Variants in HDAC9 observed in about 807,000 individuals in gnomAD.
The protein encoded by HDAC9 is MEF-2 interacting transcription repressor (MITR) protein.
In HDAC9, 41 loss-of-function variants were observed where a neutral mutation model predicts 139.4. The ratio of observed to expected loss-of-function variants is 0.29; its 90% CI spans 0.23 to 0.38. The LOEUF (loss-of-function observed/expected upper bound fraction) is 0.38, where lower values mean the gene tolerates loss of function less well. Among genes scored for constraint, HDAC9 ranks in the 10% least tolerant of loss-of-function variants. The pLI is 1.00. For missense variants in HDAC9, 1,147 were observed against 1,297.0 expected (o/e 0.88, Z 1.78); for synonymous variants, 517 against 476.2 (o/e 1.09, Z -1.12).
intron 13 of HDAC9, 111 bp from the exon 14 acceptor site, chr7:18,748,894 A>G: frequency 9.7e-7 from 1 of 1,032,986 alleles, no homozygotes; most frequent in Non-Finnish European, 1.4e-6. Context: ...CTCCTTTGTT[A>G]AATTTATTTT....
chr7:18,598,648 A>G (rs796100350), intron 6 of HDAC9, among the ~76,000 whole-genome samples: 18 of 152,324 alleles, frequency 1.2e-4, no homozygotes, highest in African/African-American at 4.3e-4. Flanking sequence ...TCTTGACTGT[A>G]TGCTTGTATA....
intron 21 of HDAC9, among the ~76,000 whole-genome samples, chr7:18,866,682 G>A (rs578167623): frequency 6.6e-6 from 1 of 152,304 alleles, no homozygotes; most frequent in East Asian, 1.9e-4. Flanking sequence ...AACTTTATAA[G>A]TTAAGATGTT....
intron 11 of HDAC9, among the ~76,000 whole-genome samples, chr7:18,657,060 T>C (rs1791468837): frequency 6.6e-6 from 1 of 152,170 alleles, no homozygotes; most frequent in Non-Finnish European, 1.5e-5. Flanking sequence ...TTTTTTCATA[T>C]GGTGTTGGCC....
At chr7:18,605,676 T>TTTTG (rs927028857) in intron 6 of HDAC9, among the ~76,000 whole-genome samples, 4 of 151,270 alleles carry the variant, frequency 2.6e-5, no homozygotes, top group Non-Finnish European at 5.9e-5. Context: ...GCCCCTGGAG[T>TTTTG]TTTGTTTGTT....
At chr7:18,713,724 C>G (rs898010977) in intron 12 of HDAC9, among the ~76,000 whole-genome samples, 2 of 151,958 alleles carry the variant, frequency 1.3e-5, no homozygotes, top group African/African-American at 4.8e-5. Context: ...GCTAAATGAT[C>G]ATGGAGGCTG....
At chr7:18,817,738 C>A (rs1192803901) in intron 17 of HDAC9, among the ~76,000 whole-genome samples, 1 of 152,164 alleles carries the variant, frequency 6.6e-6, no homozygotes, top group Non-Finnish European at 1.5e-5. Context: ...GCTGGCAAAC[C>A]TATTTTTGAC....
At chr7:18,189,032 A>G (rs990760143) in intron 2 of HDAC9, among the ~76,000 whole-genome samples, 1 of 152,222 alleles carries the variant, frequency 6.6e-6, no homozygotes, top group African/African-American at 2.4e-5. Context: ...TGCTATAAAG[A>G]CAAATGTACA....
intron 12 of HDAC9, among the ~76,000 whole-genome samples, chr7:18,674,606 A>G (rs984904435): frequency 9.9e-5 from 15 of 152,060 alleles, no homozygotes; most frequent in Non-Finnish European, 1.8e-4. Context: ...CAGGGAACCT[A>G]TGAAATGTTC....
chr7:18,728,402 AACACACAC>A (rs56281287), intron 13 of HDAC9, among the ~76,000 whole-genome samples: 10,652 of 145,552 alleles, frequency 0.073, 371 homozygotes, highest in Middle Eastern at 0.08. Flanking sequence ...TTAAGTGTGG[AACACACAC>A]ACACACACAC....
intron 21 of HDAC9, among the ~76,000 whole-genome samples, chr7:18,854,430 T>C (rs1481925146): frequency 1.3e-5 from 2 of 152,178 alleles, no homozygotes; most frequent in African/African-American, 4.8e-5. Flanking sequence ...GTAGTGATCA[T>C]GATTGTAATG....
At chr7:18,396,656 C>A (rs889949803) in intron 1 of HDAC9, among the ~76,000 whole-genome samples, 4 of 152,118 alleles carry the variant, frequency 2.6e-5, no homozygotes, top group Non-Finnish European at 5.9e-5. Flanking sequence ...GACAATGCCC[C>A]TAAGTTTCAC....
intron 2 of HDAC9, among the ~76,000 whole-genome samples, chr7:18,510,527 G>A (rs976877844): frequency 1.3e-5 from 2 of 152,006 alleles, no homozygotes; most frequent in Non-Finnish European, 2.9e-5. Flanking sequence ...AAAATAGGTG[G>A]ATTTTTCTGT....
chr7:18,340,659 C>T (rs922931517), intron 1 of HDAC9, among the ~76,000 whole-genome samples: 1 of 151,420 alleles, frequency 6.6e-6, no homozygotes, highest in African/African-American at 2.4e-5. Context: ...TCCATTTCTC[C>T]CTCCTATTGT....
At chr7:18,640,837 G>C (rs1622717) in intron 8 of HDAC9, among the ~76,000 whole-genome samples, 1 of 151,956 alleles carries the variant, frequency 6.6e-6, no homozygotes, top group African/African-American at 2.4e-5. Context: ...GCGTACTGAT[G>C]CCCCGAGGTA....
intron 2 of HDAC9, among the ~76,000 whole-genome samples, chr7:18,564,166 TCTC>T (rs1821522027): frequency 6.6e-6 from 1 of 151,922 alleles, no homozygotes; most frequent in African/African-American, 2.4e-5. Flanking sequence ...CAATGACTAT[TCTC>T]CTCATCTTTC....
rs550411283 is a variant in HDAC9, at chr7:18,252,784, A to G, written c.25+90435A>G. The stretch of plus-strand genomic sequence containing the variant: ...TATTTGCTCATGTTTATATTATGGT[A>G]GGTAAATTTAACTCCCAAACCACAA... On this transcript the variant is annotated intron_variant, in intron 2 of 12. Coordinates refer to the HDAC9 transcript ENST00000417496. Among the ~76,000 whole-genome samples, 8 of 152,124 alleles carry G rather than the reference A, an allele frequency of 5.3e-5. 2 individuals carry two copies. Among genetic ancestry groups the G allele is most frequent in the African/African-American group, 1.7e-4 (7 of 41,506 alleles).
At chr7:18,367,185 C>A (rs1784249789) in intron 1 of HDAC9, among the ~76,000 whole-genome samples, 1 of 151,998 alleles carries the variant, frequency 6.6e-6, no homozygotes, top group African/African-American at 2.4e-5. Context: ...TTCCATCATT[C>A]CAAGAAAGCC....
chr7:18,392,311 TCTCTCACACA>T (rs1224674228), intron 1 of HDAC9, among the ~76,000 whole-genome samples: 5 of 124,520 alleles, frequency 4.0e-5, no homozygotes, highest in Non-Finnish European at 6.7e-5. Context: ...TCTCTCTCTC[TCTCTCACACA>T]CACACACACA....
At chr7:18,881,596 C>T (rs1486328586) in intron 22 of HDAC9, among the ~76,000 whole-genome samples, 2 of 151,988 alleles carry the variant, frequency 1.3e-5, no homozygotes, top group Non-Finnish European at 2.9e-5. Context: ...GTCCATGGCT[C>T]TCCTAAGTGT....
Sources: gnomAD v4.1 joint callset for allele counts (sites outside exome capture counted in the v4.1 genomes callset) on GRCh38, gnomAD v4.1.1 for gene constraint, MANE v1.5 for transcripts, NCBI Gene and HGNC (gene_info 2026-07-23, HGNC 2026-07-21) for gene names.